Variants in RAB6A observed in about 807,000 individuals in gnomAD.
The protein encoded by RAB6A is RAB6A, member RAS oncogene family.
In RAB6A, 8 loss-of-function variants were observed where a neutral mutation model predicts 32.3. The ratio of observed to expected loss-of-function variants is 0.25; its 90% CI spans 0.15 to 0.45. RAB6A has a LOEUF of 0.45. Ranked by LOEUF, RAB6A falls within the 20% of genes least tolerant of loss-of-function variation. The pLI is 1.00. For synonymous variants in RAB6A, 73 were observed against 82.1 expected (o/e 0.89, Z 0.60); for missense variants, 104 against 249.4 (o/e 0.42, Z 3.93).
chr11:73,690,949 T>C (rs1945548102), intron 6 of RAB6A, among the ~76,000 whole-genome samples: 1 of 149,760 alleles, frequency 6.7e-6, no homozygotes, highest in South Asian at 2.1e-4. Context: ...AGATTACTGC[T>C]TTGTGTTCTC....
intron 7 of RAB6A, among the ~76,000 whole-genome samples, chr11:73,678,669 T>TTTG (rs764298492): frequency 1.3e-4 from 20 of 151,718 alleles, no homozygotes; most frequent in African/African-American, 3.9e-4. Context: ...TAGAACATTT[T>TTTG]TTGTTGTTGT....
intron 6 of RAB6A, among the ~76,000 whole-genome samples, chr11:73,694,695 T>C (rs1407943324): frequency 6.6e-6 from 1 of 152,032 alleles, no homozygotes; most frequent in Non-Finnish European, 1.5e-5. Flanking sequence ...AATAAGGAGA[T>C]CCTGTCTCTA....
intron 4 of RAB6A, among the ~76,000 whole-genome samples, chr11:73,716,589 A>G (rs1946056884): frequency 6.6e-6 from 1 of 152,202 alleles, no homozygotes; most frequent in African/African-American, 2.4e-5. Context: ...AGTAGTTTAA[A>G]AATTTTTTGA....
intron 1 of RAB6A, 94 bp downstream of exon 1, chr11:73,760,472 C>A: frequency 1.4e-6 from 2 of 1,453,000 alleles, no homozygotes; most frequent in Non-Finnish European, 1.8e-6. Flanking sequence ...GGACGCGAGG[C>A]GGGCAGGGAG....
intron 5 of RAB6A, among the ~76,000 whole-genome samples, chr11:73,714,204 A>AT (rs1946012728): frequency 1.5e-4 from 12 of 78,198 alleles, no homozygotes; most frequent in Admixed American, 1.2e-3. Context: ...AAAAAAAAAA[A>AT]AAAAAATATA....
At chr11:73,695,021 T>TA (rs921307498) in intron 6 of RAB6A, among the ~76,000 whole-genome samples, 13 of 151,202 alleles carry the variant, frequency 8.6e-5, no homozygotes, top group East Asian at 3.9e-4. Context: ...TCTCAAAAAA[T>TA]AAAAAAAAAT....
intron 6 of RAB6A, among the ~76,000 whole-genome samples, chr11:73,697,404 C>A (rs1173866909): frequency 6.6e-6 from 1 of 151,992 alleles, no homozygotes; most frequent in African/African-American, 2.4e-5. Flanking sequence ...GGTCTCGGCT[C>A]ACTGCAACCT....
At chr11:73,678,559 G>C (rs556180506) in intron 7 of RAB6A, among the ~76,000 whole-genome samples, 15 of 151,346 alleles carry the variant, frequency 9.9e-5, no homozygotes, top group Admixed American at 9.9e-4. Context: ...AGAGGTTGTG[G>C]TGAGCTGAGA....
chr11:73,715,275 T>C (rs1007292001), intron 5 of RAB6A, among the ~76,000 whole-genome samples: 2 of 152,066 alleles, frequency 1.3e-5, no homozygotes, highest in African/African-American at 2.4e-5. Context: ...TACAGGTGCA[T>C]GCCACAGCGC....
rs542555893 is a variant in RAB6A, at chr11:73,739,489, T to C, written c.71-8666A>G. Among the ~76,000 whole-genome samples the C allele has an allele frequency of 1.9e-4, 28 of 147,682 alleles. No individual in the cohort carries two copies. In the South Asian group the frequency reaches 6.2e-3, roughly 33 times the overall value. On this transcript the variant is annotated intron_variant, in intron 1 of 7. Coordinates refer to ENST00000336083, the MANE Select transcript of RAB6A (RefSeq NM_198896.2). ...ACTCAGCCTGATTTTTTATTTTTTA[T>C]TTTTTTGAATCAGGGTCTTGTTCTG...
At chr11:73,685,852 T>A (rs1945444785) in intron 6 of RAB6A, among the ~76,000 whole-genome samples, 1 of 126,454 alleles carries the variant, frequency 7.9e-6, no homozygotes, top group South Asian at 2.8e-4. Flanking sequence ...GCCACTGCAC[T>A]CCAGCCCAGG....
At position 73,677,787 on chromosome 11, in the gene RAB6A, C is replaced by A; in HGVS notation, c.*111G>T. On this transcript the variant is annotated 3_prime_UTR_variant, in exon 8 of 8. Coordinates refer to ENST00000336083, the MANE Select transcript of RAB6A (RefSeq NM_198896.2). ...CAGGCAGCAATGATGAATTGCAATA[C>A]GTTATTACTGAAGGGAAAAGGTTCA... 6.3e-7 allele frequency: 1 copy of A among 1,580,748 alleles called. No individual in the cohort carries two copies. Among genetic ancestry groups the A allele is most frequent in the Non-Finnish European group, 8.7e-7 (1 of 1,153,856 alleles).
At chr11:73,733,564 TAAATAAATAA>T (rs201334739) in intron 1 of RAB6A, among the ~76,000 whole-genome samples, 5,856 of 148,500 alleles carry the variant, frequency 0.039, 156 homozygotes, top group Middle Eastern at 0.071. Flanking sequence ...AAAAAAAAAA[TAAATAAATAA>T]AAATAAATAA....
chr11:73,707,158 C>G (rs1004141511), intron 6 of RAB6A, among the ~76,000 whole-genome samples: 3 of 151,186 alleles, frequency 2.0e-5, no homozygotes, highest in African/African-American at 7.3e-5. Flanking sequence ...GAAAATTTAC[C>G]TTTAAAGCAA....
chr11:73,749,679 A>C (rs1946644497), intron 1 of RAB6A, among the ~76,000 whole-genome samples: 1 of 152,138 alleles, frequency 6.6e-6, no homozygotes, highest in Non-Finnish European at 1.5e-5. Flanking sequence ...CTGGTCAACA[A>C]AGCAAGATCT....
rs375733945 is a variant in RAB6A, at chr11:73,739,304, T to TATATATATATAAAA, written c.71-8482_71-8481insTTTTATATATATAT. 6.3e-5 allele frequency among the ~76,000 whole-genome samples: 2 copies of TATATATATATAAAA among 31,860 alleles called. 1 individual carries two copies. Among genetic ancestry groups the TATATATATATAAAA allele is most frequent in the Non-Finnish European group, 1.5e-4 (2 of 13,474 alleles). 20.9% of individuals were successfully genotyped at this position (31,860 alleles called of 152,430 possible). A position where few individuals can be genotyped will look rare whatever the true frequency, so the allele number is the denominator to read the frequency against. On this transcript the variant is annotated intron_variant, in intron 1 of 7. Transcript: ENST00000336083. ...AAAAAAATATATATATATATATATATAAATACTGGAACACCAAAGATAACT... is the reference window on the plus strand; with the variant it reads ...AAAAAAATATATATATATATATATATATATATATATAAAAAAATACTGGAACACCAAAGATAACT...
intron 6 of RAB6A, 68 bp from the exon 7 acceptor site, chr11:73,679,788 C>T (rs914300968): frequency 3.4e-5 from 54 of 1,591,100 alleles, no homozygotes; most frequent in Non-Finnish European, 4.5e-5. Context: ...GGTTTATGAT[C>T]ACTGTACAGT....
chr11:73,705,506 C>G (rs1298812990), intron 6 of RAB6A, among the ~76,000 whole-genome samples: 2 of 152,036 alleles, frequency 1.3e-5, no homozygotes, highest in Non-Finnish European at 2.9e-5. Flanking sequence ...CGAGATTGCA[C>G]CACTGCACTC....
At chr11:73,715,340 G>A (rs937463899) in intron 5 of RAB6A, among the ~76,000 whole-genome samples, 21 of 152,104 alleles carry the variant, frequency 1.4e-4, no homozygotes, top group Admixed American at 1.2e-3. Context: ...TGGCCAGGCT[G>A]GTCTTGAACT....
Sources: allele counts gnomAD v4.1 joint callset (sites outside exome capture counted in the v4.1 genomes callset), GRCh38; gene constraint gnomAD v4.1.1; transcripts MANE v1.5; gene names NCBI Gene and HGNC (gene_info 2026-07-23, HGNC 2026-07-21).